KPNA2: variants seen among roughly 807,000 people sequenced by gnomAD.
KPNA2 encodes the protein karyopherin subunit alpha 2.
A neutral mutation model predicts 53.7 loss-of-function variants in KPNA2; 20 were observed. That is an observed-to-expected ratio of 0.37 (90% confidence interval 0.26 to 0.54). The LOEUF (loss-of-function observed/expected upper bound fraction) is 0.54, where lower values mean the gene tolerates loss of function less well. Among genes scored for constraint, KPNA2 ranks in the 20% least tolerant of loss-of-function variants. The pLI is 0.83. For missense variants in KPNA2, 515 were observed against 640.3 expected (o/e 0.80, Z 2.11); for synonymous variants, 238 against 227.5 (o/e 1.05, Z -0.42).
chr17:68,043,248 G>C lies in KPNA2; in HGVS notation c.815G>C (p.Cys272Ser). Reference sequence around the variant, plus strand: ...GATCCAGAAGTATTAGCAGATACCTGCTGGGCTATTTCCTACCTTACTGAT... The same window carrying C: ...GATCCAGAAGTATTAGCAGATACCTCCTGGGCTATTTCCTACCTTACTGAT... ...HDDPEVLADT[C>S]WAISYLTDGP... Residue 272 changes from cysteine to serine, a missense_variant, in exon 7 of 11, where the codon TGC becomes TCC. Cys to Ser is a moderately radical substitution (Grantham distance 112, BLOSUM62 -1). Coordinates refer to ENST00000330459, the MANE Select transcript of KPNA2 (RefSeq NM_002266.4). 2.5e-6 allele frequency: 4 copies of C among 1,614,148 alleles called. No homozygotes were observed. The highest frequency in any genetic ancestry group is 2.2e-5 in the East Asian group (1 of 44,888).
chr17:68,041,658 C>T (rs782392176), intron 4 of KPNA2, among the ~76,000 whole-genome samples: 19 of 152,018 alleles, frequency 1.2e-4, no homozygotes, highest in African/African-American at 3.4e-4. Context: ...CCCAGGAGGT[C>T]GAGGCTGCAG....
intron 3 of KPNA2, among the ~76,000 whole-genome samples, chr17:68,039,571 G>A (rs565696015): frequency 2.6e-4 from 39 of 151,694 alleles, no homozygotes; most frequent in Non-Finnish European, 3.4e-4. Context: ...ACCTGAGGTC[G>A]GGAGTTTGAG....
Position 68,044,517 on chromosome 17 carries a change from A to G in KPNA2, c.1347+14A>G. 6.2e-7 allele frequency: 1 copy of G among 1,606,024 alleles called. No homozygotes were observed. The highest frequency in any genetic ancestry group is 8.5e-7 in the Non-Finnish European group (1 of 1,174,252). ...AATATCTTTCAGGTAAGTCCTATCAAGGTGGCTTTGTTTGAATTTGGACTT... is the reference window on the plus strand; with the variant it reads ...AATATCTTTCAGGTAAGTCCTATCAGGGTGGCTTTGTTTGAATTTGGACTT... On this transcript the variant is annotated intron_variant, in intron 9 of 10. Coordinates refer to ENST00000330459, the MANE Select transcript of KPNA2 (RefSeq NM_002266.4).
At position 68,044,439 on chromosome 17, in the gene KPNA2, T is replaced by C. The variant is rs2071304998; in HGVS notation, c.1283T>C (p.Leu428Pro). The C allele has an allele frequency of 6.2e-7, 1 of 1,614,010 alleles. No homozygotes were observed. The highest frequency in any genetic ancestry group is 8.5e-7 in the Non-Finnish European group (1 of 1,179,968). The part of the protein sequence containing the change: ...HCGIIEPLMN[L>P]LTAKDTKIIL... ...GGCATAATAGAACCGTTGATGAACC[T>C]CTTAACTGCAAAAGATACCAAGATT... Residue 428 changes from leucine (L) to proline (P), a missense_variant, in exon 9 of 11, where the codon CTC becomes CCC. Coordinates refer to ENST00000330459, the MANE Select transcript of KPNA2 (RefSeq NM_002266.4).
chr17:68,042,972 T>C lies in KPNA2; in HGVS notation c.639T>C (p.Leu213=), dbSNP rs2071279417. 1.2e-6 allele frequency: 2 copies of C among 1,613,796 alleles called. No individual in the cohort carries two copies. The highest frequency in any genetic ancestry group is 1.7e-5 in the Admixed American group (1 of 59,984). ...YGAVDPLLAL[L]AVPDMSSLAC... Reference sequence around the variant, plus strand: ...CAGTTGACCCACTGTTGGCTCTCCTTGCAGTTCCTGATATGTCATCTTTAG... The same window carrying C: ...CAGTTGACCCACTGTTGGCTCTCCTCGCAGTTCCTGATATGTCATCTTTAG... Residue 213 remains leucine (L), a synonymous_variant, in exon 6 of 11, where the codon CTT becomes CTC. Transcript: ENST00000330459.
rs782251646 is a variant in KPNA2 at position 68,043,944 on chromosome 17, A to G, written c.1037A>G (p.Asn346Ser). 3.1e-6 allele frequency: 5 copies of G among 1,613,878 alleles called. No homozygotes were observed. In the South Asian group the frequency reaches 3.3e-5, roughly 11 times the overall value. Residue 346 changes from asparagine to serine, a missense_variant, in exon 8 of 11, where the codon AAC becomes AGC. Asn to Ser is a conservative substitution (Grantham distance 46). Coordinates refer to ENST00000330459, the MANE Select transcript of KPNA2 (RefSeq NM_002266.4). The part of the protein sequence containing the change: ...ALAVFPSLLT[N>S]PKTNIQKEAT... Reference sequence around the variant, plus strand: ...GCCGTCTTTCCCAGCCTGCTCACCAACCCCAAAACTAACATTCAGAAGGAA... The same window carrying G: ...GCCGTCTTTCCCAGCCTGCTCACCAGCCCCAAAACTAACATTCAGAAGGAA...
chr17:68,045,090 T>TAAA (rs554471695), intron 9 of KPNA2, among the ~76,000 whole-genome samples: 4 of 130,380 alleles, frequency 3.1e-5, no homozygotes, highest in Non-Finnish European at 4.9e-5. Flanking sequence ...GAAACTGTCT[T>TAAA]AAAAAAAAAA....
chr17:68,046,059 C>G (rs1168854772), intron 10 of KPNA2, 138 bp downstream of exon 10: 1 of 533,934 alleles, frequency 1.9e-6, no homozygotes, highest in African/African-American at 1.9e-5. Flanking sequence ...ACATAATGTA[C>G]TTATTTGCCC....
At chr17:68,043,779 A>G in intron 7 of KPNA2, 59 bp from the exon 8 acceptor site, 1 of 1,082,236 alleles carries the variant, frequency 9.2e-7, no homozygotes, top group Non-Finnish European at 1.4e-6. Context: ...TTTAGGGTAT[A>G]GAATTTCTAA....
In KPNA2 at chr17:68,040,710, C is replaced by G. The variant is rs375015606; in HGVS notation, c.246C>G (p.Val82=). The stretch of plus-strand genomic sequence containing the variant: ...TAAATTGGTCTGTTGATGACATTGT[C>G]AAAGGCATAAATAGCAGCAATGTGG... The part of the protein sequence containing the change: ...GTVNWSVDDI[V]KGINSSNVEN... The change falls in exon 4 of 11, where the codon GTC becomes GTG. Residue 82 remains valine, a synonymous_variant. Coordinates refer to ENST00000330459, the MANE Select transcript of KPNA2 (RefSeq NM_002266.4). 6 of 1,612,786 alleles carry G rather than the reference C, an allele frequency of 3.7e-6. 1 individual carries two copies. The South Asian group carries it at 6.6e-5, about 18-fold the overall frequency.
intron 8 of KPNA2, 95 bp downstream of exon 8, chr17:68,044,166 C>A: frequency 7.7e-7 from 1 of 1,290,756 alleles, no homozygotes; most frequent in Admixed American, 1.8e-5. Context: ...TTGGGTTCTA[C>A]TAGGAGTCCT....
intron 5 of KPNA2, among the ~76,000 whole-genome samples, chr17:68,042,698 C>T (rs1002392457): frequency 1.3e-5 from 2 of 151,854 alleles, no homozygotes; most frequent in African/African-American, 4.8e-5. Context: ...CTGGCTAACA[C>T]AGTGAAACCC....
intron 7 of KPNA2, 24 bp downstream of exon 7, chr17:68,043,387 G>A (rs782412427): frequency 3.7e-6 from 6 of 1,610,156 alleles, no homozygotes; most frequent in Non-Finnish European, 5.1e-6. Flanking sequence ...TTGTAGATTA[G>A]GACATAAGTA....
chr17:68,038,318 G>C (rs1403919857), intron 3 of KPNA2, among the ~76,000 whole-genome samples: 1 of 152,132 alleles, frequency 6.6e-6, no homozygotes, highest in Non-Finnish European at 1.5e-5. Context: ...ATGTTGGCCA[G>C]GCTAGTCTTG....
intron 3 of KPNA2, among the ~76,000 whole-genome samples, chr17:68,039,505 G>A (rs1555704227): frequency 6.6e-6 from 1 of 151,938 alleles, no homozygotes; most frequent in African/African-American, 2.4e-5. Context: ...CCTCGGCCGG[G>A]TGTGGTGGCT....
At chr17:68,044,572 G>C in intron 9 of KPNA2, 69 bp downstream of exon 9, 1 of 1,297,272 alleles carries the variant, frequency 7.7e-7, no homozygotes, top group Admixed American at 1.9e-5. Context: ...TTTAGACTTG[G>C]GGGAGGGCAG....
intron 10 of KPNA2, among the ~76,000 whole-genome samples, 195 bp downstream of exon 10, chr17:68,046,116 T>TAA (rs1308260780): frequency 6.6e-6 from 1 of 152,228 alleles, no homozygotes; most frequent in Admixed American, 6.5e-5. Context: ...ACTGAGATTT[T>TAA]AAAAGCCACC....
In KPNA2 at chr17:68,046,534, A is replaced by G; in HGVS notation, c.1528A>G (p.Thr510Ala). The G allele has an allele frequency of 1.2e-6, 2 of 1,611,158 alleles. No homozygotes were observed. Among genetic ancestry groups the G allele is most frequent in the Non-Finnish European group, 1.7e-6 (2 of 1,177,922 alleles). Reference sequence around the variant, plus strand: ...GGAAGATCAAAACGTTGTACCAGAAACTACCTCTGAAGGCTACACTTTCCA... The same window carrying G: ...GGAAGATCAAAACGTTGTACCAGAAGCTACCTCTGAAGGCTACACTTTCCA... The part of the protein sequence containing the change: ...EEEDQNVVPE[T>A]TSEGYTFQVQ... The change falls in exon 11 of 11, where the codon ACT becomes GCT. Residue 510 changes from threonine (T) to alanine (A), a missense_variant. Physicochemically the swap from Thr to Ala is moderately conservative, Grantham distance 58. Transcript: ENST00000330459.
chr17:68,046,049 A>G, intron 10 of KPNA2, 128 bp downstream of exon 10: 2 of 570,000 alleles, frequency 3.5e-6, no homozygotes. Flanking sequence ...TGTGCATGGG[A>G]CATAATGTAC....
Sources: gnomAD v4.1 joint callset for allele counts (sites outside exome capture counted in the v4.1 genomes callset) on GRCh38, gnomAD v4.1.1 for gene constraint, MANE v1.5 for transcripts, NCBI Gene and HGNC (gene_info 2026-07-23, HGNC 2026-07-21) for gene names.